The following OCRL variants were observed in gnomAD, a reference collection of about 807,000 sequenced individuals.
OCRL encodes the protein inositol polyphosphate 5-phosphatase OCRL.
In OCRL, 8 loss-of-function variants were observed where a neutral mutation model predicts 78.9. That is an observed-to-expected ratio of 0.10 (90% CI 0.06 to 0.18). OCRL has a LOEUF of 0.18. OCRL is among the 10% of genes least tolerant of loss of function. OCRL has a pLI of 1.00. For missense variants in OCRL, 454 were observed against 696.7 expected (o/e 0.65, Z 3.92); for synonymous variants, 240 against 235.4 (o/e 1.02, Z -0.18).
At chrX:129,565,047 C>G (rs1050901868) in intron 12 of OCRL, among the ~76,000 whole-genome samples, 1 of 111,392 alleles carries the variant, frequency 9.0e-6, no homozygotes, top group Non-Finnish European at 1.9e-5. Context: ...CCATGAAATT[C>G]CAAAAATTTA....
At position 129,588,175 on chromosome X, in the gene OCRL, G is replaced by A; in HGVS notation, c.2257-4G>A. ...CTGTCCCTTCATTCTGACTTCTTTG[G>A]TAGGAGGACCTGTTCCAGACCCCTG... On this transcript the variant is annotated splice_region_variant and splice_polypyrimidine_tract_variant and intron_variant, in intron 20 of 23. Coordinates refer to ENST00000371113, the MANE Select transcript of OCRL (RefSeq NM_000276.4). 1 of 1,186,083 alleles carries A rather than the reference G, an allele frequency of 8.4e-7. No individual in the cohort carries two copies. Among genetic ancestry groups the A allele is most frequent in the Non-Finnish European group, 1.1e-6 (1 of 872,562 alleles).
At chrX:129,562,843 G>C (rs755021873) in intron 12 of OCRL, 57 bp downstream of exon 12, 60 of 1,064,334 alleles carry the variant, frequency 5.6e-5, no homozygotes, top group Non-Finnish European at 7.1e-5. Context: ...TTTGGATAGT[G>C]TAGAGATTAA....
intron 19 of OCRL, among the ~76,000 whole-genome samples, 190 bp downstream of exon 19, chrX:129,584,557 T>C (rs1006173978): frequency 1.8e-5 from 2 of 111,897 alleles, no homozygotes; most frequent in African/African-American, 3.2e-5. Flanking sequence ...AGCAGTCAAG[T>C]CATTGAGACT....
chrX:129,586,830 C>T, intron 19 of OCRL, 172 bp from the exon 20 acceptor site: 1 of 556,497 alleles, frequency 1.8e-6, no homozygotes, highest in Admixed American at 2.2e-5. Context: ...AACTATGGGA[C>T]TCGCTATCAA....
intron 3 of OCRL, among the ~76,000 whole-genome samples, chrX:129,545,965 C>T (rs1433959803): frequency 9.0e-6 from 1 of 111,335 alleles, no homozygotes; most frequent in Non-Finnish European, 1.9e-5. Flanking sequence ...CTGCCTGTCT[C>T]GGCCTCCAAA....
intron 13 of OCRL, 148 bp from the exon 14 acceptor site, chrX:129,567,106 A>C: frequency 2.1e-6 from 1 of 486,880 alleles, no homozygotes; most frequent in Non-Finnish European, 3.7e-6. Flanking sequence ...TTCATAAGGT[A>C]TAGAAATTTC....
At chrX:129,552,024 TA>T (rs1409819008) in intron 4 of OCRL, among the ~76,000 whole-genome samples, 1 of 111,651 alleles carries the variant, frequency 9.0e-6, no homozygotes, top group African/African-American at 3.3e-5. Context: ...AAAAACAGGC[TA>T]GGGGGCAGAT....
chrX:129,556,395 G>T (rs1267283893), intron 4 of OCRL, among the ~76,000 whole-genome samples: 1 of 111,422 alleles, frequency 9.0e-6, no homozygotes, highest in South Asian at 3.8e-4. Flanking sequence ...TGGGACAGTT[G>T]GTCACCCTAG....
In OCRL at chrX:129,560,638, A is replaced by G; in HGVS notation, c.811A>G (p.Ile271Val). Residue 271 changes from isoleucine to valine, a missense_variant, in exon 9 of 24, where the codon ATC (isoleucine) becomes GTC (valine). Transcript: ENST00000371113. ...GAACTGTGATCCCAATCCTCCTGAT[A>G]TCTACTGCATTGGGTAAAGAACACT... Reference protein sequence around the residue: ...WLNCDPNPPDIYCIGFQELDL... With the variant: ...WLNCDPNPPDVYCIGFQELDL... The G allele has an allele frequency of 1.7e-6, 2 of 1,163,037 alleles. No individual in the cohort carries two copies. The highest frequency in any genetic ancestry group is 2.3e-6 in the Non-Finnish European group (2 of 851,539).
chrX:129,548,733 T>C, intron 4 of OCRL, 132 bp downstream of exon 4: 1 of 551,250 alleles, frequency 1.8e-6, no homozygotes, highest in African/African-American at 2.3e-5. Flanking sequence ...GTAGCAGCCA[T>C]ACAAATTAGC....
At chrX:129,571,396 G>T (rs1400217691) in intron 15 of OCRL, among the ~76,000 whole-genome samples, 1 of 89,969 alleles carries the variant, frequency 1.1e-5, no homozygotes, top group African/African-American at 4.4e-5. Context: ...ACAGAGTCTC[G>T]CTCTGTCACC....
chrX:129,575,167 C>G lies in OCRL; in HGVS notation c.1630C>G (p.Arg544Gly), dbSNP rs1000120514. The G allele has an allele frequency of 8.3e-7, 1 of 1,207,477 alleles. No homozygotes were observed. Among genetic ancestry groups the G allele is most frequent in the Non-Finnish European group, 1.1e-6 (1 of 891,671 alleles). The part of the protein sequence containing the change: ...GVKVVDERRY[R>G]KVFEDSVRIM... ...GAAGGTTGTGGATGAACGAAGGTAC[C>G]GGAAAGTCTTTGAAGATAGTGTACG... The change falls in exon 16 of 24, where the codon CGG (arginine) becomes GGG (glycine). Residue 544 changes from arginine (R) to glycine (G), a missense_variant. Transcript: ENST00000371113.
chrX:129,583,009 G>A (rs1404974351), intron 18 of OCRL, among the ~76,000 whole-genome samples: 1 of 111,965 alleles, frequency 8.9e-6, no homozygotes, highest in Non-Finnish European at 1.9e-5. Context: ...AATCCAGGTT[G>A]GGAGTCACTG....
In OCRL at chrX:129,591,240, T is replaced by G. The variant is rs1193562451; in HGVS notation, c.*970T>G. ...CTTCCCACAGCAAAGGTATTGTGGA[T>G]GACCCTTAGAATCCATTCTCTGGTC... On this transcript the variant is annotated 3_prime_UTR_variant, in exon 24 of 24. Transcript: ENST00000371113. 1.8e-5 allele frequency: 2 copies of G among 113,669 alleles called. No homozygotes were observed. The highest frequency in any genetic ancestry group is 9.5e-5 in the Admixed American group (1 of 10,559). 9.4% of individuals were successfully genotyped at this position (113,669 alleles called of 1,213,427 possible). A position where few individuals can be genotyped will look rare whatever the true frequency, so the allele number is the denominator to read the frequency against.
intron 18 of OCRL, among the ~76,000 whole-genome samples, chrX:129,581,096 C>G (rs762299357): frequency 1.1e-4 from 12 of 112,512 alleles, no homozygotes; most frequent in African/African-American, 3.9e-4. Context: ...AACACCTGAC[C>G]TCAGGTGATC....
At chrX:129,546,043 A>G (rs1254890477) in intron 3 of OCRL, among the ~76,000 whole-genome samples, 1 of 111,832 alleles carries the variant, frequency 8.9e-6, no homozygotes, top group Non-Finnish European at 1.9e-5. Context: ...CTTACCTTGC[A>G]TGGATTATTT....
Position 129,562,446 on chromosome X carries a change from A to T in OCRL, c.1002A>T (p.Arg334=). 8.3e-7 allele frequency: 1 copy of T among 1,211,099 alleles called. No homozygotes were observed. Among genetic ancestry groups the T allele is most frequent in the Non-Finnish European group, 1.1e-6 (1 of 894,788 alleles). The part of the protein sequence containing the change: ...LLIFARKDQC[R]YIRDIATETV... Reference sequence around the variant, plus strand: ...TATTTGCCAGAAAGGATCAGTGTCGATACATTCGTGATATTGCTACAGAAA... The same window carrying T: ...TATTTGCCAGAAAGGATCAGTGTCGTTACATTCGTGATATTGCTACAGAAA... The change falls in exon 11 of 24, where the codon CGA becomes CGT. Residue 334 remains arginine (R), a synonymous_variant. Coordinates refer to ENST00000371113, the MANE Select transcript of OCRL (RefSeq NM_000276.4).
chrX:129,561,744 G>A (rs1936148349), intron 10 of OCRL, among the ~76,000 whole-genome samples: 1 of 111,271 alleles, frequency 9.0e-6, no homozygotes, highest in South Asian at 3.8e-4. Context: ...TAGCAAGATG[G>A]GCCAATTTGT....
chrX:129,566,355 TC>T (rs1364517948), intron 13 of OCRL, among the ~76,000 whole-genome samples: 2 of 112,352 alleles, frequency 1.8e-5, no homozygotes, highest in African/African-American at 6.5e-5. Context: ...TTGTCTGGGA[TC>T]AACAGCATAG....
Sources: allele counts gnomAD v4.1 joint callset (sites outside exome capture counted in the v4.1 genomes callset), GRCh38; gene constraint gnomAD v4.1.1; transcripts MANE v1.5; gene names NCBI Gene and HGNC (gene_info 2026-07-23, HGNC 2026-07-21).